Variants in MARK3 observed in about 807,000 individuals in gnomAD.
MARK3 encodes microtubule affinity regulating kinase 3.
A neutral mutation model predicts 90.1 loss-of-function variants in MARK3; 46 were observed. The observed-to-expected ratio is 0.51, with a 90% CI of 0.40 to 0.65. The LOEUF is 0.65. Among genes scored for constraint, MARK3 ranks in the 30% least tolerant of loss-of-function variants. The pLI is 0.00. For synonymous variants in MARK3, 321 were observed against 332.6 expected (o/e 0.97, Z 0.38); for missense variants, 818 against 947.2 (o/e 0.86, Z 1.79).
Position 103,496,816 on chromosome 14 carries a change from G to A in MARK3, c.1845-1686G>A, listed in dbSNP as rs2075369153. ...ACTTTGGGGGAAGGTGAGGCAGGAGGATCATTTGAAGCCAGGAGTTCAAGG... is the reference window on the plus strand; with the variant it reads ...ACTTTGGGGGAAGGTGAGGCAGGAGAATCATTTGAAGCCAGGAGTTCAAGG... On this transcript the variant is annotated intron_variant, in intron 15 of 17. Transcript: ENST00000429436. Among the ~76,000 whole-genome samples the A allele has an allele frequency of 4.6e-5, 7 of 151,954 alleles. No homozygotes were observed. The South Asian group carries it at 1.5e-3, about 31-fold the overall frequency.
intron 3 of MARK3, among the ~76,000 whole-genome samples, chr14:103,442,350 A>T (rs959942046): frequency 6.4e-5 from 9 of 140,100 alleles, no homozygotes; most frequent in Non-Finnish European, 1.2e-4. Flanking sequence ...AGCCTGGGTG[A>T]CAGAGTGAGA....
intron 5 of MARK3, among the ~76,000 whole-genome samples, chr14:103,452,751 G>A (rs1473489154): frequency 6.6e-6 from 1 of 152,110 alleles, no homozygotes; most frequent in Non-Finnish European, 1.5e-5. Context: ...GATTACAGGC[G>A]TGAGCCACCG....
chr14:103,489,180 T>C (rs1257810580), intron 14 of MARK3, among the ~76,000 whole-genome samples: 4 of 152,254 alleles, frequency 2.6e-5, no homozygotes, highest in Non-Finnish European at 5.9e-5. Flanking sequence ...ATCTGGTTCA[T>C]TTTTGAAGAG....
intron 3 of MARK3, among the ~76,000 whole-genome samples, chr14:103,430,553 A>G (rs1388419865): frequency 6.6e-6 from 1 of 152,194 alleles, no homozygotes; most frequent in Non-Finnish European, 1.5e-5. Context: ...ATGCCCTAGC[A>G]GCTAACATTC....
intron 2 of MARK3, among the ~76,000 whole-genome samples, 162 bp downstream of exon 2, chr14:103,405,429 C>T (rs1489399726): frequency 6.6e-6 from 1 of 152,026 alleles, no homozygotes; most frequent in African/African-American, 2.4e-5. Context: ...CAGCTCACTG[C>T]AAACTCTGCC....
intron 1 of MARK3, among the ~76,000 whole-genome samples, chr14:103,397,937 C>T (rs2090691463): frequency 6.6e-6 from 1 of 152,162 alleles, no homozygotes; most frequent in South Asian, 2.1e-4. Flanking sequence ...ACCCTCCACC[C>T]CACGTTACTG....
At chr14:103,427,237 C>T (rs954597913) in intron 2 of MARK3, among the ~76,000 whole-genome samples, 1 of 150,984 alleles carries the variant, frequency 6.6e-6, no homozygotes, top group African/African-American at 2.4e-5. Context: ...CTGTGGCTCA[C>T]ACGTGTAATC....
intron 14 of MARK3, among the ~76,000 whole-genome samples, chr14:103,483,056 T>C (rs1566925544): frequency 6.6e-6 from 1 of 152,232 alleles, no homozygotes; most frequent in Non-Finnish European, 1.5e-5. Context: ...GGGTTTAACT[T>C]CTTTAGTTAA....
Position 103,437,064 on chromosome 14 carries a change from G to T in MARK3, c.297+8624G>T, listed in dbSNP as rs113624846. 1.4e-3 allele frequency among the ~76,000 whole-genome samples: 207 copies of T among 150,186 alleles called. 1 individual carries two copies. The highest frequency in any genetic ancestry group is 4.8e-3 in the African/African-American group (197 of 40,786). ...GCCAAGATGGCACCACTGCACTCCA[G>T]CCTGGGCAACAAATGAGAAACTCTG... On this transcript the variant is annotated intron_variant, in intron 3 of 17. Transcript: ENST00000429436.
In MARK3 at chr14:103,491,913, G is replaced by T. The variant is rs767907025; in HGVS notation, c.1723G>T (p.Ala575Ser). The change falls in exon 15 of 18, where the codon GCA (alanine) becomes TCA (serine). Residue 575 changes from alanine to serine, a missense_variant. By Grantham distance (99) the Ala-to-Ser change is moderately conservative. Transcript: ENST00000429436. ...CGGCCAGCCCCGGGAACGGCGAACC[G>T]CAACATATAATGGCCCTCCTGCCTC... ...FHGQPRERRT[A>S]TYNGPPASPS... 6.2e-7 allele frequency: 1 copy of T among 1,614,038 alleles called. No homozygotes were observed. Among genetic ancestry groups the T allele is most frequent in the South Asian group, 1.1e-5 (1 of 91,076 alleles).
intron 13 of MARK3, among the ~76,000 whole-genome samples, chr14:103,478,922 A>G (rs2093768113): frequency 1.3e-5 from 2 of 152,214 alleles, no homozygotes; most frequent in African/African-American, 2.4e-5. Flanking sequence ...TCATCTGTTG[A>G]TGGACATTTA....
At chr14:103,485,056 A>G (rs537797157) in intron 14 of MARK3, among the ~76,000 whole-genome samples, 8 of 99,280 alleles carry the variant, frequency 8.1e-5, no homozygotes, top group Admixed American at 6.9e-4. Flanking sequence ...CATCTCTACT[A>G]AAAATACAAA....
At chr14:103,480,866 A>G (rs750620796) in intron 14 of MARK3, among the ~76,000 whole-genome samples, 4 of 152,248 alleles carry the variant, frequency 2.6e-5, no homozygotes, top group Non-Finnish European at 4.4e-5. Context: ...GACGTGAGGC[A>G]GAGAGTCATA....
At chr14:103,459,473 A>G (rs1437439464) in intron 6 of MARK3, among the ~76,000 whole-genome samples, 1 of 151,966 alleles carries the variant, frequency 6.6e-6, no homozygotes. Context: ...TGGTGTTTCC[A>G]CTTTTCTGTT....
At chr14:103,460,012 A>T (rs1453794839) in intron 6 of MARK3, among the ~76,000 whole-genome samples, 1 of 136,266 alleles carries the variant, frequency 7.3e-6, no homozygotes, top group Admixed American at 7.6e-5. Flanking sequence ...TGCTTATGAC[A>T]TTTTAATTTT....
rs2089752568 is a variant in MARK3, at chr14:103,385,969, C to G, written c.-61C>G. The G allele has an allele frequency of 2.8e-6, 4 of 1,416,244 alleles. No individual in the cohort carries two copies. Among genetic ancestry groups the G allele is most frequent in the Non-Finnish European group, 3.0e-6 (3 of 999,956 alleles). 87.7% of individuals were successfully genotyped at this position (1,416,244 alleles called of 1,614,324 possible). ...GGACTCGAGGACGCTGGTCGCCGGC[C>G]TCCTAGGGCTGTGCTGTTTTGTTTT... On this transcript the variant is annotated 5_prime_UTR_variant, in exon 1 of 18. Transcript: ENST00000429436.
intron 4 of MARK3, among the ~76,000 whole-genome samples, chr14:103,451,538 G>A (rs1413529189): frequency 1.3e-5 from 2 of 152,184 alleles, no homozygotes; most frequent in African/African-American, 4.8e-5. Flanking sequence ...ATTTGTTGGA[G>A]CAGAGTAGAA....
rs925317649 is a variant in MARK3 at position 103,485,416 on chromosome 14, G to C, written c.1586+4926G>C. On this transcript the variant is annotated intron_variant, in intron 14 of 17. Coordinates refer to ENST00000429436, the MANE Select transcript of MARK3 (RefSeq NM_001128918.3). Reference sequence around the variant, plus strand: ...GGCTTCTTGAGTAGCTGGGACTACAGGCATGGACCACCACACCTGGCTAAT... The same window carrying C: ...GGCTTCTTGAGTAGCTGGGACTACACGCATGGACCACCACACCTGGCTAAT... Among the ~76,000 whole-genome samples the C allele has an allele frequency of 2.6e-5, 4 of 151,960 alleles. No individual in the cohort carries two copies. The East Asian group carries it at 7.7e-4, about 29-fold the overall frequency.
At chr14:103,412,546 C>T in intron 2 of MARK3, 2 of 595,660 alleles carry the variant, frequency 3.4e-6, no homozygotes, top group Non-Finnish European at 3.0e-6. Context: ...TTGGTCTCGT[C>T]ACAGTGCTGC....
Sources: gnomAD v4.1 joint callset for allele counts (sites outside exome capture counted in the v4.1 genomes callset) on GRCh38, gnomAD v4.1.1 for gene constraint, MANE v1.5 for transcripts, NCBI Gene and HGNC (gene_info 2026-07-23, HGNC 2026-07-21) for gene names.